GCC2: variants seen among roughly 807,000 people sequenced by gnomAD.
The protein encoded by GCC2 is GRIP and coiled-coil domain containing 2.
In GCC2, 120 loss-of-function variants were observed where a neutral mutation model predicts 210.6. That is an observed-to-expected ratio of 0.57 (90% CI 0.49 to 0.66). GCC2 has a LOEUF of 0.66. GCC2 is among the 30% of genes least tolerant of loss of function. GCC2 has a pLI of 0.00. For missense variants in GCC2, 1,868 were observed against 1,871.9 expected (o/e 1.00, Z 0.04); for synonymous variants, 703 against 652.7 (o/e 1.08, Z -1.17).
chr2:108,449,250 G>A lies in GCC2; in HGVS notation c.-25G>A. 4 of 1,548,934 alleles carry A rather than the reference G, an allele frequency of 2.6e-6. No homozygotes were observed. Among genetic ancestry groups the A allele is most frequent in the Non-Finnish European group, 3.5e-6 (4 of 1,145,078 alleles). ...AGTGCAGCGGTGGCGGCGGCTGGTT[G>A]CGGGCCGGCGGCGGGCTGGCGGAGA... is the stretch of plus-strand genomic sequence containing the variant. On this transcript the variant is annotated 5_prime_UTR_variant, in exon 1 of 23. Transcript: ENST00000309863.
At chr2:108,468,397 A>T (rs2104443281) in intron 4 of GCC2, among the ~76,000 whole-genome samples, 1 of 152,146 alleles carries the variant, frequency 6.6e-6, no homozygotes, top group East Asian at 1.9e-4. Flanking sequence ...ACACTGTATT[A>T]TTTTTTGGAA....
intron 4 of GCC2, among the ~76,000 whole-genome samples, chr2:108,466,004 A>C (rs1680864186): frequency 6.6e-6 from 1 of 152,060 alleles, no homozygotes; most frequent in African/African-American, 2.4e-5. Context: ...GTGGTATCTC[A>C]CTGTGGCTTT....
At chr2:108,491,908 A>G (rs999301138) in intron 18 of GCC2, among the ~76,000 whole-genome samples, 2 of 152,078 alleles carry the variant, frequency 1.3e-5, no homozygotes, top group Non-Finnish European at 2.9e-5. Flanking sequence ...ATCACATTGA[A>G]AACTACTAAA....
At chr2:108,480,676 CACTTAT>C (rs1681805177) in intron 9 of GCC2, among the ~76,000 whole-genome samples, 1 of 152,146 alleles carries the variant, frequency 6.6e-6, no homozygotes, top group African/African-American at 2.4e-5. Context: ...CACATGTTCT[CACTTAT>C]AAGTGGGAGC....
chr2:108,500,983 C>A (rs1478346276), intron 22 of GCC2, among the ~76,000 whole-genome samples: 1 of 151,986 alleles, frequency 6.6e-6, no homozygotes, highest in Admixed American at 6.6e-5. Flanking sequence ...GTTCCTTAAG[C>A]TTTATTTTGT....
At chr2:108,480,435 A>G (rs1350018294) in intron 9 of GCC2, among the ~76,000 whole-genome samples, 1 of 152,230 alleles carries the variant, frequency 6.6e-6, no homozygotes, top group African/African-American at 2.4e-5. Flanking sequence ...ATTGTGTCAT[A>G]AAGACACATG....
In GCC2 at chr2:108,470,218, TGTGA is replaced by T; in HGVS notation, c.892_895del (p.Glu298Ter). 6.2e-7 allele frequency: 1 copy of T among 1,613,440 alleles called. No homozygotes were observed. On this transcript the variant is annotated frameshift_variant, in exon 6 of 23. Coordinates refer to ENST00000309863, the MANE Select transcript of GCC2 (RefSeq NM_181453.4). LOFTEE classifies it high-confidence loss of function. The stretch of plus-strand genomic sequence containing the variant: ...AAAGAACATCCAGAAGAAATATGAA[TGTGA>T]GTTAGAAAATTTAAGGAAAGCCACC...
chr2:108,483,493 A>G (rs904712313), intron 12 of GCC2, among the ~76,000 whole-genome samples: 6 of 152,116 alleles, frequency 3.9e-5, no homozygotes, highest in African/African-American at 1.4e-4. Flanking sequence ...CCAAAGTGCT[A>G]GGATTACAGG....
intron 13 of GCC2, among the ~76,000 whole-genome samples, chr2:108,484,969 C>T (rs1418093036): frequency 6.6e-6 from 1 of 151,454 alleles, no homozygotes; most frequent in Non-Finnish European, 1.5e-5. Flanking sequence ...GGCACATATA[C>T]ACCATGGAAT....
At chr2:108,450,813 CAGAGG>C (rs1679896144) in intron 2 of GCC2, among the ~76,000 whole-genome samples, 1 of 151,950 alleles carries the variant, frequency 6.6e-6, no homozygotes, top group Non-Finnish European at 1.5e-5. Context: ...ACTTGGGAGG[CAGAGG>C]TTACAAGTGA....
chr2:108,485,753 G>C lies in GCC2; in HGVS notation c.3714+17G>C. On this transcript the variant is annotated intron_variant, in intron 14 of 22. Transcript: ENST00000309863. ...AAGCAAGCAGTATGTTAATTTTTCA[G>C]TTTCATATTTAGTACTTATTCATAA... 6.6e-7 allele frequency: 1 copy of C among 1,521,474 alleles called. No individual in the cohort carries two copies. Among genetic ancestry groups the C allele is most frequent in the Non-Finnish European group, 9.0e-7 (1 of 1,116,464 alleles). 94.2% of individuals were successfully genotyped at this position (1,521,474 alleles called of 1,614,324 possible).
intron 4 of GCC2, among the ~76,000 whole-genome samples, chr2:108,456,445 T>A (rs1680284447): frequency 1.3e-5 from 2 of 152,356 alleles, no homozygotes; most frequent in South Asian, 4.1e-4. Context: ...CCCTGATGAT[T>A]AGTGATATTG....
intron 22 of GCC2, among the ~76,000 whole-genome samples, chr2:108,502,721 T>G (rs548729994): frequency 1.3e-5 from 2 of 151,964 alleles, no homozygotes; most frequent in African/African-American, 4.8e-5. Context: ...CCAGGAGTTC[T>G]AGACCAGCCT....
At chr2:108,490,252 CA>C (rs1682345819) in intron 18 of GCC2, 1 of 335,824 alleles carries the variant, frequency 3.0e-6, no homozygotes, top group African/African-American at 2.1e-5. Context: ...GTGTCTCCTA[CA>C]GCCTTCTTGG....
intron 22 of GCC2, among the ~76,000 whole-genome samples, chr2:108,501,722 A>G (rs1682935990): frequency 6.6e-6 from 1 of 152,166 alleles, no homozygotes; most frequent in South Asian, 2.1e-4. Context: ...AAGACTCTGC[A>G]TTTTTAGCAA....
chr2:108,500,280 C>T (rs1682853381), intron 22 of GCC2, among the ~76,000 whole-genome samples: 1 of 152,052 alleles, frequency 6.6e-6, no homozygotes, highest in South Asian at 2.1e-4. Context: ...TTTGGGAGGC[C>T]GAGGCAGGCG....
chr2:108,495,461 C>T lies in GCC2; in HGVS notation c.4618C>T (p.Leu1540Phe). 6.3e-7 allele frequency: 1 copy of T among 1,592,462 alleles called. No homozygotes were observed. The highest frequency in any genetic ancestry group is 8.5e-7 in the Non-Finnish European group (1 of 1,178,108). The change falls in exon 20 of 23, where the codon CTT becomes TTT. Residue 1540 changes from leucine to phenylalanine, a missense_variant. Leu to Phe is a conservative substitution (Grantham distance 22, BLOSUM62 0). Transcript: ENST00000309863. ...STYTQSLEQL[L>F]NSPETKLEPP... is the part of the protein sequence containing the mutation. Reference sequence around the variant, plus strand: ...ATACACACAGTCTTTAGAGCAGCTGCTTAACTCTCCCGAAACTAAACTTGG... The same window carrying T: ...ATACACACAGTCTTTAGAGCAGCTGTTTAACTCTCCCGAAACTAAACTTGG...
Position 108,486,189 on chromosome 2 carries a change from A to G in GCC2, c.3792+281A>G, listed in dbSNP as rs112494017. Among the ~76,000 whole-genome samples, 710 of 152,332 alleles carry G rather than the reference A, an allele frequency of 4.7e-3. 6 individuals carry two copies. Among genetic ancestry groups the G allele is most frequent in the African/African-American group, 0.016 (673 of 41,578 alleles). On this transcript the variant is annotated intron_variant, in intron 15 of 22. Transcript: ENST00000309863. ...AAATGCTATTGCAGTTACAAGGAACAGTTTATAAAATGATTTTATATGTTT... is the reference window on the plus strand; with the variant it reads ...AAATGCTATTGCAGTTACAAGGAACGGTTTATAAAATGATTTTATATGTTT...
chr2:108,461,924 C>T (rs1424859060), intron 4 of GCC2, among the ~76,000 whole-genome samples: 2 of 147,972 alleles, frequency 1.4e-5, no homozygotes, highest in African/African-American at 5.0e-5. Flanking sequence ...GCTCCGCCTC[C>T]CGGGTTCACG....
Sources: gnomAD v4.1 joint callset for allele counts (sites outside exome capture counted in the v4.1 genomes callset) on GRCh38, gnomAD v4.1.1 for gene constraint, MANE v1.5 for transcripts, NCBI Gene and HGNC (gene_info 2026-07-23, HGNC 2026-07-21) for gene names.